Variants in PXN observed in about 807,000 individuals in gnomAD.
PXN encodes testicular tissue protein Li 134.
PXN carries 61 observed loss-of-function variants against 103.6 expected under a neutral mutation model. That is an observed-to-expected ratio of 0.59 (90% CI 0.48 to 0.73). The LOEUF (loss-of-function observed/expected upper bound fraction) is 0.73, where lower values mean the gene tolerates loss of function less well. Ranked by LOEUF, PXN falls within the 30% of genes least tolerant of loss-of-function variation. The probability of loss-of-function intolerance (pLI) is 0.00; values close to 1 mark genes in which losing one functional copy is unlikely to be tolerated. For synonymous variants in PXN, 562 were observed against 607.8 expected, an observed-to-expected ratio of 0.92 and a Z score of 1.11; for missense variants, 1,274 against 1,460.3, an observed-to-expected ratio of 0.87 and a Z score of 2.08.
Position 120,228,995 on chromosome 12 carries a change from C to T in PXN, c.14-4618G>A, listed in dbSNP as rs892971986. Among the ~76,000 whole-genome samples, 3 of 152,158 alleles carry T rather than the reference C, an allele frequency of 2.0e-5. No homozygotes were observed. The highest frequency in any genetic ancestry group is 2.9e-5 in the Non-Finnish European group (2 of 68,024). On this transcript the variant is annotated intron_variant, in intron 1 of 14. Coordinates refer to ENST00000637617, the MANE Select transcript of PXN (RefSeq NM_001385981.1). This position sits in a 1 kb window ranked among gnomAD's most constrained non-coding sequence, Gnocchi z 4.7. Reference sequence around the variant, plus strand: ...CGTAATCCTTACAACCGGTGGGAGCCGCTGGAGGGTTAAGGTACAGACACC... The same window carrying T: ...CGTAATCCTTACAACCGGTGGGAGCTGCTGGAGGGTTAAGGTACAGACACC...
rs746609113 is a variant in PXN, at chr12:120,219,619, C to A, written c.1304G>T (p.Trp435Leu). 3.1e-4 allele frequency: 485 copies of A among 1,567,908 alleles called. 1 individual carries two copies. Among genetic ancestry groups the A allele is most frequent in the Non-Finnish European group, 3.9e-4 (455 of 1,165,048 alleles). Residue 435 changes from tryptophan to leucine, a missense_variant, in exon 7 of 15, where the codon TGG becomes TTG. Trp to Leu is a moderately conservative substitution (Grantham distance 61, BLOSUM62 -2). Coordinates refer to ENST00000637617, the MANE Select transcript of PXN (RefSeq NM_001385981.1). The surrounding 1 kb of genome is among the most constrained non-coding windows in gnomAD (Gnocchi z 6.5). Reference sequence around the variant, plus strand: ...TACCTCCGAAGCCCATGGCTGCTCCCATGTGGCAGCCAAGGCCTCCTCTGG... The same window carrying A: ...TACCTCCGAAGCCCATGGCTGCTCCAATGTGGCAGCCAAGGCCTCCTCTGG... ...SCPEEALAATWEQPWASEVFG... is the reference protein window; with the variant it reads ...SCPEEALAATLEQPWASEVFG...
chr12:120,222,889 T>C lies in PXN; in HGVS notation c.467A>G (p.Gln156Arg). 1 of 1,613,944 alleles carries C rather than the reference T, an allele frequency of 6.2e-7. No individual in the cohort carries two copies. The highest frequency in any genetic ancestry group is 8.5e-7 in the Non-Finnish European group (1 of 1,179,858). ...TGCAGGGAAGCCTGGCGGGTTATGC[T>C]GTACAGCGTTCAGTTCCAGCAGCAG... Reference protein sequence around the residue: ...DRLLLELNAVQHNPPGFPADE... With the variant: ...DRLLLELNAVRHNPPGFPADE... The change falls in exon 4 of 15, where the codon CAG becomes CGG. Residue 156 changes from glutamine (Q) to arginine (R), a missense_variant. This residue lies in a region of PXN where 1,178 missense variants were observed against 1,309.0 expected (regional missense o/e 0.90). Coordinates refer to ENST00000637617, the MANE Select transcript of PXN (RefSeq NM_001385981.1). The surrounding 1 kb of genome is among the most constrained non-coding windows in gnomAD (Gnocchi z 4.7).
Position 120,265,593 on chromosome 12 carries a change from TC to T in PXN, c.13+23del. On this transcript the variant is annotated intron_variant, in intron 1 of 14. Coordinates refer to ENST00000637617, the MANE Select transcript of PXN (RefSeq NM_001385981.1). The surrounding 1 kb of genome is among the most constrained non-coding windows in gnomAD (Gnocchi z 5.7). ...AAGCTGCGCGCCTCTCGCCTCCTCC[TC>T]CCTCGGCCTCCCGCTCACTCACCGA... 1.3e-6 allele frequency: 2 copies of T among 1,483,866 alleles called. No homozygotes were observed. Among genetic ancestry groups the T allele is most frequent in the Non-Finnish European group, 1.8e-6 (2 of 1,122,754 alleles). 91.9% of individuals were successfully genotyped at this position (1,483,866 alleles called of 1,614,324 possible).
At chr12:120,242,951 A>C (rs911498431) in intron 1 of PXN, among the ~76,000 whole-genome samples, 4 of 152,066 alleles carry the variant, frequency 2.6e-5, no homozygotes, top group South Asian at 2.1e-4. Flanking sequence ...CATCTCAGCT[A>C]TCGTAGCAAG....
chr12:120,220,150 G>T lies in PXN; in HGVS notation c.832-59C>A. Reference sequence around the variant, plus strand: ...AGAGAGAGATGAGGGGAGTGAGGACGGCTGCACCTTGCAGGCGGTGGGCTC... The same window carrying T: ...AGAGAGAGATGAGGGGAGTGAGGACTGCTGCACCTTGCAGGCGGTGGGCTC... On this transcript the variant is annotated intron_variant, in intron 6 of 14. Coordinates refer to ENST00000637617, the MANE Select transcript of PXN (RefSeq NM_001385981.1). The surrounding 1 kb of genome is among the most constrained non-coding windows in gnomAD (Gnocchi z 6.1). 1.4e-6 allele frequency: 1 copy of T among 700,268 alleles called. No homozygotes were observed. Among genetic ancestry groups the T allele is most frequent in the Middle Eastern group, 3.3e-4 (1 of 3,064 alleles). 43.4% of individuals were successfully genotyped at this position (700,268 alleles called of 1,614,324 possible).
At chr12:120,242,532 C>G (rs916916990) in intron 1 of PXN, among the ~76,000 whole-genome samples, 5 of 152,324 alleles carry the variant, frequency 3.3e-5, no homozygotes, top group Non-Finnish European at 7.4e-5. Context: ...TGGAAATGCC[C>G]TTCAGAACTG....
Position 120,214,529 on chromosome 12 carries a change from G to A in PXN, c.2748+296C>T, listed in dbSNP as rs1439958601. On this transcript the variant is annotated intron_variant, in intron 12 of 14. Coordinates refer to ENST00000637617, the MANE Select transcript of PXN (RefSeq NM_001385981.1). This position sits in a 1 kb window ranked among gnomAD's most constrained non-coding sequence, Gnocchi z 5.0. ...CAGGCATTTCCTAAGTTCACAGAGA[G>A]GGAGAGTGAGGCCGCTGGCATCCAA... Among the ~76,000 whole-genome samples the A allele has an allele frequency of 1.3e-5, 2 of 152,190 alleles. No homozygotes were observed. Among genetic ancestry groups the A allele is most frequent in the African/African-American group, 4.8e-5 (2 of 41,434 alleles).
chr12:120,260,439 G>A (rs1298480580), intron 1 of PXN, among the ~76,000 whole-genome samples: 1 of 150,634 alleles, frequency 6.6e-6, no homozygotes, highest in Non-Finnish European at 1.5e-5. Flanking sequence ...GGAGGTGGAG[G>A]TTGTGGTGAG....
chr12:120,250,346 G>A (rs1261059918), intron 1 of PXN, among the ~76,000 whole-genome samples: 2 of 152,152 alleles, frequency 1.3e-5, no homozygotes, highest in Non-Finnish European at 2.9e-5. Flanking sequence ...TACAGTCACT[G>A]GGCCAGCTTC....
chr12:120,264,619 A>G (rs1372402436), intron 1 of PXN, among the ~76,000 whole-genome samples: 9 of 152,230 alleles, frequency 5.9e-5, no homozygotes, highest in Admixed American at 3.3e-4. Flanking sequence ...TGGGGCTCCA[A>G]TAACAGGAAA....
chr12:120,215,202 G>C lies in PXN; in HGVS notation c.2475C>G (p.Asp825Glu), dbSNP rs1360583020. 1 of 1,599,846 alleles carries C rather than the reference G, an allele frequency of 6.3e-7. No homozygotes were observed. ...GGPPKPGSQL[D>E]SMLGSLQSDL... ...CAGACTGCAGGCTCCCCAGCATGCT[G>C]TCCAGCTGGCTCCCGGGCTTCGGGG... The change falls in exon 11 of 15, where the codon GAC becomes GAG. Residue 825 changes from aspartate to glutamate, a missense_variant. Transcript: ENST00000637617. The surrounding 1 kb of genome is among the most constrained non-coding windows in gnomAD (Gnocchi z 4.9).
Position 120,223,717 on chromosome 12 carries a change from C to A in PXN, c.356+1G>T. 9 of 1,576,352 alleles carry A rather than the reference C, an allele frequency of 5.7e-6. No homozygotes were observed. Among genetic ancestry groups the A allele is most frequent in the East Asian group, 2.3e-5 (1 of 43,166 alleles). On this transcript the variant is annotated splice_donor_variant, in intron 3 of 14. Transcript: ENST00000637617. LOFTEE classifies it high-confidence loss of function. ...GTGCCCTGGGCAGACTGGGGCAGTACCTGTAGACGTGCTCCTCCTCACCCA... is the reference window on the plus strand; with the variant it reads ...GTGCCCTGGGCAGACTGGGGCAGTAACTGTAGACGTGCTCCTCCTCACCCA...
chr12:120,222,978 TG>T lies in PXN; in HGVS notation c.377del (p.Ser126Ter). The part of the protein sequence containing the change: ...HVYSFPNKQK[S>X]AEPSPTVMST... ...TCATTACGGTGGGTGAAGGCTCAGC[TG>T]ATTTCTGCTTGTTGGGGAAGCTTTG... On this transcript the variant is annotated frameshift_variant, in exon 4 of 15. Coordinates refer to ENST00000637617, the MANE Select transcript of PXN (RefSeq NM_001385981.1). LOFTEE classifies it high-confidence loss of function. This position sits in a 1 kb window ranked among gnomAD's most constrained non-coding sequence, Gnocchi z 4.7. 1 of 1,613,918 alleles carries T rather than the reference TG, an allele frequency of 6.2e-7. No individual in the cohort carries two copies. The highest frequency in any genetic ancestry group is 1.1e-5 in the South Asian group (1 of 91,074).
chr12:120,255,152 G>A (rs967729217), intron 1 of PXN, among the ~76,000 whole-genome samples: 3 of 152,190 alleles, frequency 2.0e-5, no homozygotes, highest in Non-Finnish European at 4.4e-5. Context: ...GGTTATAAAA[G>A]AGGTCATGCA....
In PXN at chr12:120,228,545, T is replaced by C. The variant is rs1251338844; in HGVS notation, c.14-4168A>G. Among the ~76,000 whole-genome samples, 2 of 152,330 alleles carry C rather than the reference T, an allele frequency of 1.3e-5. No individual in the cohort carries two copies. The highest frequency in any genetic ancestry group is 4.8e-5 in the African/African-American group (2 of 41,588). ...GGGCACCATTGGCCCGTCAGCTTCTTGCCACTGGGTAACCTCGTGCAATCT... is the reference window on the plus strand; with the variant it reads ...GGGCACCATTGGCCCGTCAGCTTCTCGCCACTGGGTAACCTCGTGCAATCT... On this transcript the variant is annotated intron_variant, in intron 1 of 14. Coordinates refer to ENST00000637617, the MANE Select transcript of PXN (RefSeq NM_001385981.1). This position sits in a 1 kb window ranked among gnomAD's most constrained non-coding sequence, Gnocchi z 4.7.
chr12:120,213,565 G>A lies in PXN; in HGVS notation c.2979+277C>T, dbSNP rs1408781423. ...CTAAATACTTGCATTATCTCATTTA[G>A]TTCTCACACACTCTCCTCCCAAATA... On this transcript the variant is annotated intron_variant, in intron 14 of 14. Transcript: ENST00000637617. The surrounding 1 kb of genome is among the most constrained non-coding windows in gnomAD (Gnocchi z 4.2). Among the ~76,000 whole-genome samples the A allele has an allele frequency of 6.6e-6, 1 of 152,174 alleles. No individual in the cohort carries two copies. Among genetic ancestry groups the A allele is most frequent in the African/African-American group, 2.4e-5 (1 of 41,438 alleles).
chr12:120,232,442 C>G (rs1234523450), intron 1 of PXN, among the ~76,000 whole-genome samples: 1 of 152,234 alleles, frequency 6.6e-6, no homozygotes, highest in Non-Finnish European at 1.5e-5. Context: ...TCATCCACCT[C>G]TTTAGGTCGC....
At position 120,219,631 on chromosome 12, in the gene PXN, A is replaced by G. The variant is rs575734538; in HGVS notation, c.1292T>C (p.Leu431Ser). The G allele has an allele frequency of 1.1e-4, 177 of 1,572,230 alleles. 2 individuals carry two copies. The South Asian group carries it at 1.9e-3, about 17-fold the overall frequency. The change falls in exon 7 of 15, where the codon TTG becomes TCG. Residue 431 changes from leucine to serine, a missense_variant. This residue lies in a region of PXN where 1,178 missense variants were observed against 1,309.0 expected (regional missense o/e 0.90). Coordinates refer to ENST00000637617, the MANE Select transcript of PXN (RefSeq NM_001385981.1). This position sits in a 1 kb window ranked among gnomAD's most constrained non-coding sequence, Gnocchi z 6.5. ...PASPSCPEEA[L>S]AATWEQPWAS... is the part of the protein sequence containing the mutation. ...CCATGGCTGCTCCCATGTGGCAGCC[A>G]AGGCCTCCTCTGGGCACGAAGGGCT...
At position 120,213,842 on chromosome 12, in the gene PXN, C is replaced by T. The variant is rs780782821; in HGVS notation, c.2979G>A (p.Arg993=). The stretch of plus-strand genomic sequence containing the variant: ...CCAGATGTGGTCAGGGGCTCCTTAC[C>T]CGGCACACAAAGCACTCAGGATGCC... ...TLWHPECFVC[R]ECFTPFVNGS... Residue 993 remains arginine, a splice_region_variant and synonymous_variant, in exon 14 of 15, where the codon CGG becomes CGA. Transcript: ENST00000637617. This position sits in a 1 kb window ranked among gnomAD's most constrained non-coding sequence, Gnocchi z 4.2. The T allele has an allele frequency of 1.9e-6, 3 of 1,609,902 alleles. No homozygotes were observed. The highest frequency in any genetic ancestry group is 2.5e-6 in the Non-Finnish European group (3 of 1,178,252).
Sources: gnomAD v4.1 joint callset for allele counts (sites outside exome capture counted in the v4.1 genomes callset) on GRCh38, gnomAD v4.1.1 for gene constraint, gnomAD v4.1.1 regional missense constraint, Gnocchi (gnomAD v3.1) non-coding constraint, MANE v1.5 for transcripts, NCBI Gene and HGNC (gene_info 2026-07-23, HGNC 2026-07-21) for gene names.